Variants in TENM1 observed in about 807,000 individuals in gnomAD.
The protein encoded by TENM1 is teneurin-1.
In TENM1, 35 loss-of-function variants were observed where a neutral mutation model predicts 174.8. That is an observed-to-expected ratio of 0.20 (90% CI 0.15 to 0.27). The LOEUF (loss-of-function observed/expected upper bound fraction) is 0.27, where lower values mean the gene tolerates loss of function less well. Among genes scored for constraint, TENM1 ranks in the 10% least tolerant of loss-of-function variants. TENM1 has a pLI of 1.00. For synonymous variants in TENM1, 781 were observed against 798.7 expected (o/e 0.98, Z 0.37); for missense variants, 1,633 against 2,130.1 (o/e 0.77, Z 4.59).
intron 11 of TENM1, among the ~76,000 whole-genome samples, chrX:124,592,070 T>C (rs772566167): frequency 9.0e-4 from 101 of 112,405 alleles, no homozygotes; most frequent in Non-Finnish European, 1.7e-3. Flanking sequence ...TACTTGAGTG[T>C]GTTTTCAATT....
chrX:124,728,321 G>A lies in TENM1; in HGVS notation c.776+8636C>T, dbSNP rs181835866. On this transcript the variant is annotated intron_variant, in intron 4 of 31. Coordinates refer to ENST00000422452, the Ensembl canonical transcript of TENM1. ...ATAGGTTTTCAGTTCCAGAATGGTTGTCTCTCATTAGTACTAGAAAGAACA... is the reference window on the plus strand; with the variant it reads ...ATAGGTTTTCAGTTCCAGAATGGTTATCTCTCATTAGTACTAGAAAGAACA... 3.1e-3 allele frequency among the ~76,000 whole-genome samples: 343 copies of A among 111,890 alleles called. 1 individual carries two copies. The highest frequency in any genetic ancestry group is 8.9e-3 in the African/African-American group (276 of 30,852).
intron 28 of TENM1, among the ~76,000 whole-genome samples, chrX:124,388,951 T>C (rs1442106651): frequency 8.9e-6 from 1 of 112,453 alleles, no homozygotes; most frequent in African/African-American, 3.2e-5. Context: ...AGAATTATTT[T>C]AGGAAACTGA....
chrX:124,420,879 CCA>C, intron 24 of TENM1, 58 bp from the exon 28 acceptor site: 1 of 1,058,934 alleles, frequency 9.4e-7, no homozygotes, highest in South Asian at 2.1e-5. Context: ...CATGAACATA[CCA>C]CAGACATAAA....
At chrX:125,080,648 T>C in the TENM1 span, among the ~76,000 whole-genome samples, 592 of 110,895 alleles carry the variant, frequency 5.3e-3, 2 homozygotes, top group African/African-American at 0.017. Context: ...TAAAATAATA[T>C]ATTCCTGCTT....
chrX:124,443,042 C>CTGTGTGTGTGTG (rs1288057201), intron 23 of TENM1, among the ~76,000 whole-genome samples: 6 of 42,176 alleles, frequency 1.4e-4, no homozygotes, highest in African/African-American at 5.4e-4. Context: ...GCCTGGATGA[C>CTGTGTGTGTGTG]TATGTGTGTG....
chrX:125,068,054 A>G, the TENM1 span, among the ~76,000 whole-genome samples: 2 of 112,030 alleles, frequency 1.8e-5, no homozygotes, highest in Non-Finnish European at 3.8e-5. Flanking sequence ...AAAGAGAGAC[A>G]AACTAATAAT....
At chrX:125,064,829 G>A in the TENM1 span, among the ~76,000 whole-genome samples, 16 of 110,731 alleles carry the variant, frequency 1.4e-4, no homozygotes, top group East Asian at 4.0e-3. Flanking sequence ...GGATGGTCTC[G>A]ATCTCCTGAC....
chrX:124,884,790 A>T (rs2147528601), intron 3 of TENM1, among the ~76,000 whole-genome samples: 1 of 111,985 alleles, frequency 8.9e-6, no homozygotes, highest in Non-Finnish European at 1.9e-5. Flanking sequence ...AATGACATGT[A>T]ATTTTAAACA....
exon 27 of TENM1, chrX:124,405,243 C>T: frequency 1.7e-6 from 2 of 1,208,627 alleles, no homozygotes; most frequent in Non-Finnish European, 2.2e-6. Context: ...TCTGGATTCA[C>T]CCGATAGGTA....
chrX:124,875,557 C>T (rs921236040), intron 3 of TENM1, among the ~76,000 whole-genome samples: 1 of 109,644 alleles, frequency 9.1e-6, no homozygotes, highest in Non-Finnish European at 1.9e-5. Context: ...AGCGGATATC[C>T]TTGTTTTGTT....
the TENM1 span, among the ~76,000 whole-genome samples, chrX:124,977,967 T>A: frequency 3.2e-3 from 107 of 33,057 alleles, 1 homozygote; most frequent in South Asian, 9.1e-3. Context: ...TGTGTGTGTG[T>A]GAGAGAGAGA....
intron 25 of TENM1, among the ~76,000 whole-genome samples, chrX:124,419,070 A>C (rs1327689872): frequency 8.9e-6 from 1 of 111,961 alleles, no homozygotes; most frequent in African/African-American, 3.3e-5. Context: ...GCACTTAGTA[A>C]ATCTTTAGCT....
chrX:124,697,593 G>C (rs1347869041), intron 5 of TENM1, among the ~76,000 whole-genome samples: 1 of 110,772 alleles, frequency 9.0e-6, no homozygotes, highest in Non-Finnish European at 1.9e-5. Context: ...AATTACTGAA[G>C]ATGCCAAAGA....
In TENM1 at chrX:124,890,351, CT is replaced by C. The variant is rs201674279; in HGVS notation, c.535+3944del. On this transcript the variant is annotated intron_variant, in intron 3 of 31. Coordinates refer to ENST00000422452, the Ensembl canonical transcript of TENM1. The stretch of plus-strand genomic sequence containing the variant: ...GGTACCCTAATCACTGAGGTTGATA[CT>C]TAAGTAGGACTGTCAAAGTCTTCTA... 4.5e-3 allele frequency among the ~76,000 whole-genome samples: 503 copies of C among 111,557 alleles called. 4 individuals carry two copies. Among genetic ancestry groups the C allele is most frequent in the African/African-American group, 0.016 (489 of 30,705 alleles).
intron 18 of TENM1, among the ~76,000 whole-genome samples, chrX:124,515,006 C>T (rs2047669122): frequency 1.8e-5 from 2 of 111,372 alleles, no homozygotes; most frequent in African/African-American, 6.5e-5. Context: ...CCACTATGTT[C>T]AAGTATGCTT....
the TENM1 span, among the ~76,000 whole-genome samples, chrX:124,974,563 A>C: frequency 1.8e-5 from 2 of 110,772 alleles, no homozygotes; most frequent in Non-Finnish European, 3.8e-5. Context: ...TCTACAATTA[A>C]ATAGCGATGA....
chrX:124,690,131 T>C (rs1366770767), intron 5 of TENM1, among the ~76,000 whole-genome samples: 2 of 111,973 alleles, frequency 1.8e-5, no homozygotes, highest in Non-Finnish European at 3.8e-5. Context: ...TTCTTTTTGT[T>C]GTTGTTCAGT....
At chrX:124,465,187 CTA>C (rs1797330776) in intron 22 of TENM1, among the ~76,000 whole-genome samples, 1 of 112,273 alleles carries the variant, frequency 8.9e-6, no homozygotes, top group Non-Finnish European at 1.9e-5. Context: ...AAAATAACTT[CTA>C]TGTGTGAAAT....
At chrX:124,932,972 C>T (rs1376375318) in intron 1 of TENM1, among the ~76,000 whole-genome samples, 1 of 111,823 alleles carries the variant, frequency 8.9e-6, no homozygotes, top group African/African-American at 3.3e-5. Context: ...AATAAAAAAT[C>T]CCAAGAGTTG....
Sources: gnomAD v4.1 joint callset for allele counts (sites outside exome capture counted in the v4.1 genomes callset) on GRCh38, gnomAD v4.1.1 for gene constraint, MANE v1.5 for transcripts, NCBI Gene and HGNC (gene_info 2026-07-23, HGNC 2026-07-21) for gene names.